ACSM3: variants seen among roughly 807,000 people sequenced by gnomAD.
The protein encoded by ACSM3 is acyl-CoA synthetase medium chain family member 3, also known as acyl-coenzyme A synthetase ACSM3, mitochondrial.
In ACSM3, 61 loss-of-function variants were observed where a neutral mutation model predicts 74.1. That is an observed-to-expected ratio of 0.82 (90% CI 0.67 to 1.02). The LOEUF is 1.02. Among genes scored for constraint, ACSM3 ranks in the 50% least tolerant of loss-of-function variants. The pLI, the probability that ACSM3 is intolerant of heterozygous loss-of-function variation, is 0.00. For synonymous variants in ACSM3, 213 were observed against 241.5 expected (o/e 0.88, Z 1.09); for missense variants, 660 against 697.0 (o/e 0.95, Z 0.60).
chr16:20,737,779 G>C (rs1384179837), intron 1 of ACSM3: 1 of 1,613,784 alleles, frequency 6.2e-7, no homozygotes, highest in South Asian at 1.1e-5. Flanking sequence ...AATCTGAAAT[G>C]TCCCTTTGTT....
chr16:20,737,958 T>G, intron 1 of ACSM3: 2 of 1,569,820 alleles, frequency 1.3e-6, no homozygotes, highest in Non-Finnish European at 1.7e-6. Flanking sequence ...TCTCAGGCTC[T>G]TAAGAAAAAA....
chr16:20,724,037 C>T (rs574818537), intron 1 of ACSM3, among the ~76,000 whole-genome samples: 1 of 152,168 alleles, frequency 6.6e-6, no homozygotes, highest in South Asian at 2.1e-4. Flanking sequence ...GTCTTTAATC[C>T]ATCTCGAATT....
Position 20,792,320 on chromosome 16 carries a change from C to A in ACSM3, c.1539C>A (p.Asp513Glu), listed in dbSNP as rs2080620314. ...VAESAVVSSPDPIRGEVVKAF... is the reference protein window; with the variant it reads ...VAESAVVSSPEPIRGEVVKAF... ...AGTCAGCTGTTGTCAGCAGCCCAGA[C>A]CCCATCAGAGGAGAGGTAAAAGAAC... The change falls in exon 12 of 14, where the codon GAC becomes GAA. Residue 513 changes from aspartate (D) to glutamate (E), a missense_variant. Asp to Glu is a conservative substitution (Grantham distance 45). Transcript: ENST00000289416. 1 of 1,613,884 alleles carries A rather than the reference C, an allele frequency of 6.2e-7. No homozygotes were observed. Among genetic ancestry groups the A allele is most frequent in the Admixed American group, 1.7e-5 (1 of 60,006 alleles).
At chr16:20,728,265 C>A in intron 1 of ACSM3, 2 of 446,878 alleles carry the variant, frequency 4.5e-6, no homozygotes, top group Non-Finnish European at 8.3e-6. Flanking sequence ...AATATCTGAC[C>A]GGTTCAATAA....
Position 20,776,019 on chromosome 16 carries a change from TG to T in ACSM3, c.402del (p.Trp134CysfsTer14). On this transcript the variant is annotated frameshift_variant, in exon 3 of 14. Coordinates refer to ENST00000289416, the MANE Select transcript of ACSM3 (RefSeq NM_005622.4). LOFTEE classifies it high-confidence loss of function. ...GATTCTGCCCAGGGTCCCAGAGTGG[TG>T]GCTTGCAAATGTGGCCTGTCTGCGA... ...ILILPRVPEW[W>X]LANVACLRTG... 6.2e-7 allele frequency: 1 copy of T among 1,614,188 alleles called. No individual in the cohort carries two copies. Among genetic ancestry groups the T allele is most frequent in the Non-Finnish European group, 8.5e-7 (1 of 1,180,038 alleles).
intron 1 of ACSM3, among the ~76,000 whole-genome samples, chr16:20,697,953 G>A (rs1171899977): frequency 6.6e-6 from 1 of 152,126 alleles, no homozygotes; most frequent in Non-Finnish European, 1.5e-5. Context: ...CCAGCACATT[G>A]GGAGGCCGAG....
intron 2 of ACSM3, among the ~76,000 whole-genome samples, chr16:20,755,288 G>A (rs921920775): frequency 1.3e-5 from 2 of 152,092 alleles, no homozygotes; most frequent in Admixed American, 6.6e-5. Context: ...CCAAAACCAG[G>A]AAGAGTTCAA....
Position 20,796,408 on chromosome 16 carries a change from G to A in ACSM3, c.1593G>A (p.Lys531=), listed in dbSNP as rs1328984397. 1.2e-6 allele frequency: 2 copies of A among 1,613,680 alleles called. No homozygotes were observed. The highest frequency in any genetic ancestry group is 1.3e-5 in the African/African-American group (1 of 74,970). Residue 531 remains lysine, a synonymous_variant, in exon 13 of 14, where the codon AAG becomes AAA. Coordinates refer to ENST00000289416, the MANE Select transcript of ACSM3 (RefSeq NM_005622.4). The part of the protein sequence containing the change: ...KAFVVLNPDY[K]SHDQEQLIKE... ...TTGTCGTTCTAAATCCTGATTACAA[G>A]TCACATGATCAAGAACAACTAATAA... is the stretch of plus-strand genomic sequence containing the variant.
intron 1 of ACSM3, chr16:20,739,101 G>A: frequency 6.2e-7 from 1 of 1,610,364 alleles, no homozygotes; most frequent in Non-Finnish European, 8.5e-7. Flanking sequence ...GAGCAGAAAT[G>A]ACACAACAGC....
rs982340603 is a variant in ACSM3, at chr16:20,781,612, A to G, written c.940-96A>G. On this transcript the variant is annotated intron_variant, in intron 6 of 13. Coordinates refer to ENST00000289416, the MANE Select transcript of ACSM3 (RefSeq NM_005622.4). ...AAGGTAAGAATGTATTTACATTAACATAAACAATGTTTAAATTGTGCTGCG... is the reference window on the plus strand; with the variant it reads ...AAGGTAAGAATGTATTTACATTAACGTAAACAATGTTTAAATTGTGCTGCG... 2.2e-5 allele frequency: 21 copies of G among 935,432 alleles called. No individual in the cohort carries two copies. In the Admixed American group the frequency reaches 3.6e-4, roughly 16 times the overall value. The allele number at this position is 935,432 out of a possible 1,614,324, so 57.9% of individuals were successfully genotyped here.
At chr16:20,704,780 AG>A (rs1196501298) in intron 1 of ACSM3, among the ~76,000 whole-genome samples, 2 of 152,212 alleles carry the variant, frequency 1.3e-5, no homozygotes, top group Non-Finnish European at 2.9e-5. Context: ...GGAGTATAAA[AG>A]TATAGAGTAT....
At chr16:20,746,397 T>G (rs910573091) in intron 1 of ACSM3, among the ~76,000 whole-genome samples, 4 of 152,254 alleles carry the variant, frequency 2.6e-5, no homozygotes, top group African/African-American at 9.6e-5. Flanking sequence ...TACTAAAAGC[T>G]GTTGAATCCT....
At position 20,756,199 on chromosome 16, in the gene ACSM3, G is replaced by A. The variant is rs2080030243; in HGVS notation, c.-52+583G>A. Among the ~76,000 whole-genome samples, 4 of 151,850 alleles carry A rather than the reference G, an allele frequency of 2.6e-5. No homozygotes were observed. In the South Asian group the frequency reaches 8.4e-4, roughly 32 times the overall value. On this transcript the variant is annotated intron_variant, in intron 3 of 3. Coordinates refer to the ACSM3 transcript ENST00000561584. Reference sequence around the variant, plus strand: ...GTATTTCTAGTTCTAGATCCCTGAGGAATCGCCACACTGACTTCCACAATG... The same window carrying A: ...GTATTTCTAGTTCTAGATCCCTGAGAAATCGCCACACTGACTTCCACAATG...
chr16:20,741,846 C>G, intron 1 of ACSM3: 1 of 1,536,852 alleles, frequency 6.5e-7, no homozygotes, highest in Non-Finnish European at 8.7e-7. Flanking sequence ...ACGGCCTCCC[C>G]TAGCCGGCCT....
At chr16:20,734,503 G>C (rs2079852792) in intron 1 of ACSM3, 1 of 151,966 alleles carries the variant, frequency 6.6e-6, no homozygotes, top group Non-Finnish European at 1.5e-5. Context: ...CCAGCTAGGA[G>C]GATAAAAATA....
At chr16:20,742,818 T>A (rs1454134274) in intron 1 of ACSM3, among the ~76,000 whole-genome samples, 15 of 146,790 alleles carry the variant, frequency 1.0e-4, no homozygotes, top group African/African-American at 3.3e-4. Context: ...TATATATTTT[T>A]TTTTTTTCCC....
At chr16:20,736,692 A>T in intron 1 of ACSM3, 1 of 620,910 alleles carries the variant, frequency 1.6e-6, no homozygotes, top group Non-Finnish European at 2.8e-6. Flanking sequence ...TCTACGTAAT[A>T]CCATAAAGGC....
upstream of ACSM3, among the ~76,000 whole-genome samples, chr16:20,759,659 C>T (rs139312861): frequency 2.6e-5 from 4 of 152,018 alleles, no homozygotes; most frequent in East Asian, 7.7e-4. Context: ...GACATGGAAG[C>T]TCTGTACCCC....
At chr16:20,786,201 T>G in intron 9 of ACSM3, 43 bp downstream of exon 9, 1 of 1,599,070 alleles carries the variant, frequency 6.3e-7, no homozygotes, top group Non-Finnish European at 8.5e-7. Flanking sequence ...CAACCCAATC[T>G]GTACACTACC....
Sources: allele counts gnomAD v4.1 joint callset (sites outside exome capture counted in the v4.1 genomes callset), GRCh38; gene constraint gnomAD v4.1.1; transcripts MANE v1.5; gene names NCBI Gene and HGNC (gene_info 2026-07-23, HGNC 2026-07-21).